The following PRKAR1B variants were observed in gnomAD, a reference collection of about 807,000 sequenced individuals.
The protein encoded by PRKAR1B is protein kinase cAMP-dependent type I regulatory subunit beta, also known as cAMP-dependent protein kinase type I-beta regulatory subunit.
PRKAR1B carries 22 observed loss-of-function variants against 46.5 expected under a neutral mutation model. That is an observed-to-expected ratio of 0.47 (90% CI 0.34 to 0.68). The LOEUF (loss-of-function observed/expected upper bound fraction) is 0.68, where lower values mean the gene tolerates loss of function less well. Ranked by LOEUF, PRKAR1B falls within the 30% of genes least tolerant of loss-of-function variation. The pLI, the probability that PRKAR1B is intolerant of heterozygous loss-of-function variation, is 0.01. For missense variants in PRKAR1B, 445 were observed against 535.6 expected (o/e 0.83, Z 1.67); for synonymous variants, 259 against 217.7 (o/e 1.19, Z -1.67).
intron 9 of PRKAR1B, 54 bp downstream of exon 9, chr7:579,202 A>C: frequency 6.2e-7 from 1 of 1,612,814 alleles, no homozygotes; most frequent in Non-Finnish European, 8.5e-7. Context: ...GAAGGTAAGA[A>C]GTGCCCCTGC....
intron 9 of PRKAR1B, among the ~76,000 whole-genome samples, chr7:573,240 G>A (rs111495642): frequency 6.6e-6 from 1 of 152,206 alleles, no homozygotes; most frequent in African/African-American, 2.4e-5. Flanking sequence ...ATTTTACAGC[G>A]CTATGAAAGC....
intron 6 of PRKAR1B, among the ~76,000 whole-genome samples, chr7:597,422 C>T (rs1333589020): frequency 2.0e-5 from 3 of 152,144 alleles, no homozygotes; most frequent in Admixed American, 6.5e-5. Flanking sequence ...CTCTGCCTGG[C>T]GGGGATGTGG....
chr7:652,804 G>C (rs1035002406), intron 4 of PRKAR1B, among the ~76,000 whole-genome samples: 1 of 152,180 alleles, frequency 6.6e-6, no homozygotes, highest in Non-Finnish European at 1.5e-5. Flanking sequence ...CGGGTATTTT[G>C]GTTATTTATT....
chr7:688,274 A>G (rs1779211764), intron 2 of PRKAR1B, among the ~76,000 whole-genome samples: 1 of 151,512 alleles, frequency 6.6e-6, no homozygotes, highest in Non-Finnish European at 1.5e-5. Context: ...GCGTGGTGGC[A>G]TGTGCCTGTA....
intron 4 of PRKAR1B, among the ~76,000 whole-genome samples, chr7:664,451 C>G (rs547413277): frequency 6.6e-6 from 1 of 152,178 alleles, no homozygotes; most frequent in Non-Finnish European, 1.5e-5. Flanking sequence ...CTCTGGGCCT[C>G]GGGTCCCCAT....
At chr7:587,141 T>A (rs937341964) in intron 7 of PRKAR1B, among the ~76,000 whole-genome samples, 1 of 152,120 alleles carries the variant, frequency 6.6e-6, no homozygotes, top group African/African-American at 2.4e-5. Flanking sequence ...GAAGGAGATG[T>A]CAGGAAAGAG....
At chr7:694,955 G>A (rs568043234) in intron 2 of PRKAR1B, among the ~76,000 whole-genome samples, 6 of 151,278 alleles carry the variant, frequency 4.0e-5, no homozygotes, top group African/African-American at 1.5e-4. Flanking sequence ...AGAATCGCTT[G>A]AACCCAGGAG....
At chr7:632,900 GCCTGGGGC>G (rs1783839804) in intron 4 of PRKAR1B, among the ~76,000 whole-genome samples, 1 of 152,220 alleles carries the variant, frequency 6.6e-6, no homozygotes, top group Non-Finnish European at 1.5e-5. Flanking sequence ...GCCCTCCTGA[GCCTGGGGC>G]CACACAGTGC....
intron 7 of PRKAR1B, among the ~76,000 whole-genome samples, chr7:585,701 C>T (rs184563407): frequency 6.6e-6 from 1 of 152,184 alleles, no homozygotes; most frequent in Admixed American, 6.5e-5. Flanking sequence ...AACAGATAAC[C>T]CTGAGAGGGG....
At chr7:580,682 A>T (rs2128443498) in intron 8 of PRKAR1B, among the ~76,000 whole-genome samples, 1 of 150,382 alleles carries the variant, frequency 6.6e-6, no homozygotes, top group East Asian at 2.0e-4. Context: ...AGGAAAAAAA[A>T]TTTACTAACG....
At position 608,699 on chromosome 7, in the gene PRKAR1B, G is replaced by A. The variant is rs1297229827; in HGVS notation, c.441-1247C>T. ...GCAGGGTTGTAGGGAGGGCTGGGGG[G>A]CCTCCACCGTCCTCCCACCTGGGGA... On this transcript the variant is annotated intron_variant, in intron 4 of 10. Transcript: ENST00000537384. Among the ~76,000 whole-genome samples, 99 of 121,316 alleles carry A rather than the reference G, an allele frequency of 8.2e-4. 1 individual carries two copies. The highest frequency in any genetic ancestry group is 1.1e-3 in the Admixed American group (14 of 12,802). 79.6% of individuals were successfully genotyped at this position (121,316 alleles called of 152,430 possible).
chr7:588,667 CAGTGGTGATGACGAT>C (rs1562541867), intron 7 of PRKAR1B, among the ~76,000 whole-genome samples: 9 of 120,104 alleles, frequency 7.5e-5, no homozygotes, highest in African/African-American at 7.0e-5. Context: ...AGGATAGTGA[CAGTGGTGATGACGAT>C]GATGGTGATG....
chr7:591,236 C>T (rs959246014), intron 7 of PRKAR1B, among the ~76,000 whole-genome samples: 2 of 152,204 alleles, frequency 1.3e-5, no homozygotes, highest in African/African-American at 4.8e-5. Flanking sequence ...GTGGCTGAGA[C>T]GGTCGGTGAG....
At chr7:629,704 C>T (rs775863678) in intron 4 of PRKAR1B, among the ~76,000 whole-genome samples, 26 of 61,792 alleles carry the variant, frequency 4.2e-4, no homozygotes, top group Non-Finnish European at 7.7e-4. Context: ...GGCTGGAAAA[C>T]GCTGCAGGAG....
At chr7:707,040 A>G (rs754728204) in intron 2 of PRKAR1B, among the ~76,000 whole-genome samples, 20 of 152,204 alleles carry the variant, frequency 1.3e-4, no homozygotes, top group Non-Finnish European at 2.2e-4. Context: ...TCTATTGTAA[A>G]CATTCCACAG....
chr7:661,237 G>A (rs866903639), intron 4 of PRKAR1B, among the ~76,000 whole-genome samples: 38 of 60,858 alleles, frequency 6.2e-4, no homozygotes, highest in African/African-American at 1.1e-3. Flanking sequence ...ACCCCAACGG[G>A]TCCAAATACC....
chr7:660,793 A>G (rs375104516), intron 4 of PRKAR1B, among the ~76,000 whole-genome samples: 253 of 73,982 alleles, frequency 3.4e-3, no homozygotes, highest in African/African-American at 4.6e-3. Context: ...CCACCCCAAC[A>G]GATGCAAATA....
intron 2 of PRKAR1B, among the ~76,000 whole-genome samples, chr7:703,454 T>C (rs950872921): frequency 1.3e-5 from 2 of 151,816 alleles, no homozygotes; most frequent in South Asian, 4.2e-4. Context: ...AGACCATCGA[T>C]CTCCTGTGGC....
chr7:551,507 G>A (rs1233967804), intron 9 of PRKAR1B, 37 bp from the exon 10 acceptor site: 33 of 1,544,564 alleles, frequency 2.1e-5, no homozygotes, highest in Non-Finnish European at 2.8e-5. Flanking sequence ...GTGCCAGCCA[G>A]GCGGGTGCAG....
Sources: gnomAD v4.1 joint callset for allele counts (sites outside exome capture counted in the v4.1 genomes callset) on GRCh38, gnomAD v4.1.1 for gene constraint, MANE v1.5 for transcripts, NCBI Gene and HGNC (gene_info 2026-07-23, HGNC 2026-07-21) for gene names.